Variants in CAPN9 observed in about 807,000 individuals in gnomAD.
CAPN9 encodes calpain 9.
CAPN9 carries 81 observed loss-of-function variants against 92.8 expected under a neutral mutation model. The ratio of observed to expected loss-of-function variants is 0.87; its 90% CI spans 0.73 to 1.05. The LOEUF (loss-of-function observed/expected upper bound fraction) is 1.05, where lower values mean the gene tolerates loss of function less well. Among genes scored for constraint, CAPN9 ranks in the 50% least tolerant of loss-of-function variants. The probability of loss-of-function intolerance (pLI) is 0.00; values close to 1 mark genes in which losing one functional copy is unlikely to be tolerated. For missense variants in CAPN9, 848 were observed against 866.2 expected (o/e 0.98, Z 0.26); for synonymous variants, 304 against 328.0 (o/e 0.93, Z 0.79).
chr1:230,778,950 C>T (rs373768301), intron 8 of CAPN9, 23 bp from the exon 9 acceptor site: 19 of 1,605,052 alleles, frequency 1.2e-5, no homozygotes, highest in African/African-American at 1.1e-4. Context: ...TCCTGTGCAT[C>T]GTGTCTCTCC....
intron 10 of CAPN9, 72 bp from the exon 11 acceptor site, chr1:230,780,428 A>G: frequency 1.5e-5 from 24 of 1,599,362 alleles, no homozygotes; most frequent in Non-Finnish European, 2.0e-5. Context: ...CTCAACCAAG[A>G]GTCCATGAAT....
chr1:230,751,905 T>G (rs1664872247), intron 1 of CAPN9, among the ~76,000 whole-genome samples: 1 of 151,352 alleles, frequency 6.6e-6, no homozygotes, highest in African/African-American at 2.4e-5. Context: ...CCCTCGGGGC[T>G]TCAGGCAGCA....
chr1:230,769,916 T>C (rs1302905191), intron 6 of CAPN9, among the ~76,000 whole-genome samples: 1 of 152,204 alleles, frequency 6.6e-6, no homozygotes, highest in Non-Finnish European at 1.5e-5. Flanking sequence ...CTCTGGCTTA[T>C]TTATTGTAAG....
At chr1:230,775,288 A>C (rs1572052408) in intron 8 of CAPN9, among the ~76,000 whole-genome samples, 1 of 152,096 alleles carries the variant, frequency 6.6e-6, no homozygotes, top group Non-Finnish European at 1.5e-5. Context: ...AGGCAGCCCT[A>C]CTGCTCACAG....
At chr1:230,776,652 G>A (rs1303456140) in intron 8 of CAPN9, 2 of 152,268 alleles carry the variant, frequency 1.3e-5, no homozygotes, top group East Asian at 3.9e-4. Context: ...CAGGGAGGAT[G>A]TTCATATTCT....
At chr1:230,788,888 G>C (rs1667787740) in intron 13 of CAPN9, among the ~76,000 whole-genome samples, 2 of 152,172 alleles carry the variant, frequency 1.3e-5, no homozygotes, top group Admixed American at 1.3e-4. Flanking sequence ...GTTTGGAAGG[G>C]AAGCGGTGAA....
rs532989787 is a variant in CAPN9, at chr1:230,751,585, C to G, written c.214-3752C>G. Among the ~76,000 whole-genome samples, 228 of 57,368 alleles carry G rather than the reference C, an allele frequency of 4.0e-3. 4 individuals are homozygous for G. The highest frequency in any genetic ancestry group is 0.011 in the East Asian group (14 of 1,226). The allele number at this position is 57,368 out of a possible 152,430, so 37.6% of individuals were successfully genotyped here. On this transcript the variant is annotated intron_variant, in intron 1 of 19. Transcript: ENST00000271971. Reference sequence around the variant, plus strand: ...GAGAAAGAAAGAAAGAAGAAAGAAACAAAGAAAGAAAGAAAGAAAGAAAGA... The same window carrying G: ...GAGAAAGAAAGAAAGAAGAAAGAAAGAAAGAAAGAAAGAAAGAAAGAAAGA...
chr1:230,779,785 G>A (rs544001044), intron 9 of CAPN9, among the ~76,000 whole-genome samples: 2 of 152,144 alleles, frequency 1.3e-5, no homozygotes, highest in South Asian at 4.2e-4. Context: ...CTACTCAAAC[G>A]GCCCACCATC....
At chr1:230,789,044 G>A (rs1473818367) in intron 13 of CAPN9, among the ~76,000 whole-genome samples, 1 of 152,066 alleles carries the variant, frequency 6.6e-6, no homozygotes, top group Admixed American at 6.6e-5. Flanking sequence ...TCTTTCAGTG[G>A]GGGCCTGGCT....
chr1:230,772,686 G>A (rs1666466765), intron 7 of CAPN9, among the ~76,000 whole-genome samples: 1 of 151,896 alleles, frequency 6.6e-6, no homozygotes, highest in African/African-American at 2.4e-5. Flanking sequence ...AGGCTGCAGG[G>A]AGCTATGATT....
chr1:230,773,459 C>T (rs28359660), intron 7 of CAPN9, among the ~76,000 whole-genome samples: 2,466 of 152,242 alleles, frequency 0.016, 79 homozygotes, highest in African/African-American at 0.056. Flanking sequence ...CATTGTCTCC[C>T]ATTTTCTGGG....
chr1:230,782,027 C>G (rs553338659), intron 11 of CAPN9, among the ~76,000 whole-genome samples: 1 of 152,248 alleles, frequency 6.6e-6, no homozygotes, highest in East Asian at 1.9e-4. Context: ...ACAAAAGTAC[C>G]CTGTATGAGA....
intron 19 of CAPN9, among the ~76,000 whole-genome samples, chr1:230,800,306 G>GTAA (rs1491460442): frequency 1.6e-4 from 8 of 50,262 alleles, no homozygotes; most frequent in African/African-American, 3.1e-4. Flanking sequence ...AAGAAAGAAA[G>GTAA]GAAAAACAAG....
Position 230,798,172 on chromosome 1 carries a change from G to C in CAPN9, c.1998G>C (p.Gln666His). The part of the protein sequence containing the change: ...VRLENASRVF[Q>H]ALSTKNKEFI... The stretch of plus-strand genomic sequence containing the variant: ...CTTCTCTCCTATCAGGGGTGTTCCA[G>C]GCTCTCAGTACAAAGAACAAGGAGT... Residue 666 changes from glutamine (Q) to histidine (H), a missense_variant, in exon 19 of 20, where the codon CAG (glutamine) becomes CAC (histidine). Coordinates refer to ENST00000271971, the MANE Select transcript of CAPN9 (RefSeq NM_006615.3). 6.2e-7 allele frequency: 1 copy of C among 1,609,606 alleles called. No individual in the cohort carries two copies. Among genetic ancestry groups the C allele is most frequent in the Non-Finnish European group, 8.5e-7 (1 of 1,175,882 alleles).
intron 7 of CAPN9, among the ~76,000 whole-genome samples, chr1:230,772,695 T>G (rs941671284): frequency 6.6e-6 from 1 of 150,666 alleles, no homozygotes; most frequent in African/African-American, 2.4e-5. Flanking sequence ...GGAGCTATGA[T>G]TGCACCACTG....
intron 1 of CAPN9, chr1:230,752,666 C>A: frequency 1.0e-6 from 1 of 985,226 alleles, no homozygotes; most frequent in Non-Finnish European, 1.2e-6. Context: ...GCTAGCACAG[C>A]CTGCTGGGCA....
chr1:230,773,130 C>A (rs1666499790), intron 7 of CAPN9, among the ~76,000 whole-genome samples: 1 of 152,144 alleles, frequency 6.6e-6, no homozygotes, highest in Non-Finnish European at 1.5e-5. Context: ...AGACATGGTG[C>A]AGCCGCTGCT....
intron 8 of CAPN9, among the ~76,000 whole-genome samples, chr1:230,777,899 C>T (rs900327358): frequency 1.3e-5 from 2 of 152,086 alleles, no homozygotes; most frequent in African/African-American, 4.8e-5. Flanking sequence ...CATCCATGGT[C>T]CCCCTCCTGG....
At chr1:230,797,916 C>T (rs904436061) in intron 18 of CAPN9, among the ~76,000 whole-genome samples, 3 of 152,146 alleles carry the variant, frequency 2.0e-5, no homozygotes, top group Non-Finnish European at 2.9e-5. Context: ...AGCTGCTGGC[C>T]GGCTGACTGG....
Sources: gnomAD v4.1 joint callset for allele counts (sites outside exome capture counted in the v4.1 genomes callset) on GRCh38, gnomAD v4.1.1 for gene constraint, MANE v1.5 for transcripts, NCBI Gene and HGNC (gene_info 2026-07-23, HGNC 2026-07-21) for gene names.